MPZL3: variants seen among roughly 807,000 people sequenced by gnomAD.
MPZL3 encodes the protein myelin protein zero like 3, also known as myelin protein zero-like protein 3.
In MPZL3, 23 loss-of-function variants were observed where a neutral mutation model predicts 24.8. The observed-to-expected ratio is 0.93, with a 90% confidence interval of 0.67 to 1.31. MPZL3 has a LOEUF of 1.31. Among genes scored for constraint, MPZL3 ranks in the 40% most tolerant of loss-of-function variants. The pLI is 0.00. For missense variants in MPZL3, 277 were observed against 294.9 expected, an observed-to-expected ratio of 0.94 and a Z score of 0.44; for synonymous variants, 99 against 106.5, an observed-to-expected ratio of 0.93 and a Z score of 0.44.
chr11:118,230,019 G>A lies in MPZL3; in HGVS notation c.682-99C>T, dbSNP rs1949330592. 11 of 1,088,410 alleles carry A rather than the reference G, an allele frequency of 1.0e-5. No individual in the cohort carries two copies. In the South Asian group the frequency reaches 1.6e-4, roughly 16 times the overall value. The allele number at this position is 1,088,410 out of a possible 1,614,324, so 67.4% of individuals were successfully genotyped here. A position where few individuals can be genotyped will look rare whatever the true frequency, so the allele number is the denominator to read the frequency against. On this transcript the variant is annotated intron_variant, in intron 5 of 5. Coordinates refer to ENST00000278949, the MANE Select transcript of MPZL3 (RefSeq NM_198275.3). ...TCCTCCAAATGGAACCTGGCTTGGG[G>A]AGACAGCCACAGTGAAATGCCACTG...
In MPZL3 at chr11:118,240,312, TTTC is replaced by T. The variant is rs1949478079; in HGVS notation, c.136_138del (p.Glu46del). On this transcript the variant is annotated inframe_deletion, in exon 2 of 6. Transcript: ENST00000278949. ...TTGAAAGTGCATTTCAACTTGATCT[TTTC>T]TCCAACATAACCTCGGACATGGGCA... The T allele has an allele frequency of 6.2e-7, 1 of 1,609,538 alleles. No individual in the cohort carries two copies. Among genetic ancestry groups the T allele is most frequent in the Non-Finnish European group, 8.5e-7 (1 of 1,178,550 alleles).
chr11:118,252,117 G>A (rs1949626257), intron 1 of MPZL3, 105 bp downstream of exon 1: 2 of 1,110,764 alleles, frequency 1.8e-6, no homozygotes, highest in East Asian at 2.4e-5. Context: ...CCTTCCCAGA[G>A]CTATGCGGGG....
chr11:118,248,378 CTAAAT>C (rs1487380871), intron 1 of MPZL3, among the ~76,000 whole-genome samples: 1 of 152,110 alleles, frequency 6.6e-6, no homozygotes, highest in Non-Finnish European at 1.5e-5. Flanking sequence ...ATTCTGGTTA[CTAAAT>C]TATAGTAAAT....
At chr11:118,238,881 G>A (rs1294254083) in intron 2 of MPZL3, among the ~76,000 whole-genome samples, 1 of 152,204 alleles carries the variant, frequency 6.6e-6, no homozygotes, top group African/African-American at 2.4e-5. Context: ...ATCAGCATCA[G>A]TGTAAAAGAG....
chr11:118,230,900 T>C (rs1157107456), intron 5 of MPZL3, among the ~76,000 whole-genome samples: 1 of 152,176 alleles, frequency 6.6e-6, no homozygotes, highest in Non-Finnish European at 1.5e-5. Flanking sequence ...TCCTCTCCTC[T>C]CTGTCTTGCA....
At chr11:118,238,016 A>C (rs983691278) in intron 2 of MPZL3, among the ~76,000 whole-genome samples, 5 of 152,148 alleles carry the variant, frequency 3.3e-5, no homozygotes, top group Non-Finnish European at 2.9e-5. Flanking sequence ...ATACACCTAT[A>C]ATCCCAGCTA....
intron 1 of MPZL3, 32 bp downstream of exon 1, chr11:118,252,190 G>A: frequency 6.2e-7 from 1 of 1,611,310 alleles, no homozygotes; most frequent in Non-Finnish European, 8.5e-7. Flanking sequence ...CCCCCCGGCC[G>A]GAAGTGGAGC....
chr11:118,250,602 C>T (rs1165182321), intron 1 of MPZL3, among the ~76,000 whole-genome samples: 4 of 152,000 alleles, frequency 2.6e-5, no homozygotes, highest in East Asian at 1.9e-4. Flanking sequence ...TTTTTTGAGA[C>T]GGAGTTTCTC....
At chr11:118,236,920 C>A in intron 3 of MPZL3, 130 bp downstream of exon 3, 1 of 704,408 alleles carries the variant, frequency 1.4e-6, no homozygotes, top group Non-Finnish European at 2.3e-6. Context: ...AGAAAAATTA[C>A]TTCGATTCAA....
At chr11:118,233,659 C>A (rs1367659370) in intron 4 of MPZL3, 136 bp from the exon 5 acceptor site, 9 of 858,964 alleles carry the variant, frequency 1.0e-5, no homozygotes, top group African/African-American at 8.3e-5. Context: ...GGTGACTGGG[C>A]AAATTGTTTA....
chr11:118,231,348 T>C (rs866726790), intron 5 of MPZL3, among the ~76,000 whole-genome samples: 2 of 152,336 alleles, frequency 1.3e-5, no homozygotes, highest in Middle Eastern at 3.4e-3. Context: ...CTAGCCGCTC[T>C]TTCTTAGCCT....
chr11:118,236,301 G>A (rs1270618930), intron 3 of MPZL3, among the ~76,000 whole-genome samples: 1 of 151,658 alleles, frequency 6.6e-6, no homozygotes, highest in East Asian at 1.9e-4. Flanking sequence ...GCAAGAAAGA[G>A]AAAGAGAAGG....
chr11:118,237,121 C>T lies in MPZL3; in HGVS notation c.380G>A (p.Ser127Asn), dbSNP rs369772698. The stretch of plus-strand genomic sequence containing the variant: ...ATCTGGGGGATTCTTCACAGCACAG[C>T]TGAATGTCCCATTGTCCTTTATGGT... ...NPTIKDNGTFSCAVKNPPDVH... is the reference protein window; with the variant it reads ...NPTIKDNGTFNCAVKNPPDVH... The change falls in exon 3 of 6, where the codon AGC becomes AAC. Residue 127 changes from serine (S) to asparagine (N), a missense_variant. Coordinates refer to ENST00000278949, the MANE Select transcript of MPZL3 (RefSeq NM_198275.3). 6.2e-7 allele frequency: 1 copy of T among 1,614,104 alleles called. No homozygotes were observed. The highest frequency in any genetic ancestry group is 8.5e-7 in the Non-Finnish European group (1 of 1,179,986).
At chr11:118,249,891 A>G (rs1437475768) in intron 1 of MPZL3, among the ~76,000 whole-genome samples, 2 of 152,236 alleles carry the variant, frequency 1.3e-5, no homozygotes, top group Non-Finnish European at 2.9e-5. Context: ...ACTCAACCAC[A>G]TAAGATTTAA....
Position 118,235,509 on chromosome 11 carries a change from G to A in MPZL3, c.532C>T (p.Leu178=), listed in dbSNP as rs1728255866. Residue 178 remains leucine (L), a synonymous_variant, in exon 4 of 6, where the codon CTG becomes TTG. Coordinates refer to ENST00000278949, the MANE Select transcript of MPZL3 (RefSeq NM_198275.3). ...VPSAVVVALL[L]VRMGRKAAGL... ...GCAGCCTTCCTCCCCATTCTCACCAGCAGCAGAGCAACCACCACGGCTGAG... is the reference window on the plus strand; with the variant it reads ...GCAGCCTTCCTCCCCATTCTCACCAACAGCAGAGCAACCACCACGGCTGAG... 2 of 1,613,868 alleles carry A rather than the reference G, an allele frequency of 1.2e-6. No individual in the cohort carries two copies. The highest frequency in any genetic ancestry group is 2.7e-5 in the African/African-American group (2 of 74,878).
chr11:118,240,781 A>ACT lies in MPZL3; in HGVS notation c.74-405_74-404insAG, dbSNP rs1376511304. Among the ~76,000 whole-genome samples the ACT allele has an allele frequency of 8.6e-3, 1,101 of 127,956 alleles. 18 individuals are homozygous for ACT. Among genetic ancestry groups the ACT allele is most frequent in the Middle Eastern group, 0.028 (7 of 250 alleles). The allele number at this position is 127,956 out of a possible 152,430, so 83.9% of individuals were successfully genotyped here. A position where few individuals can be genotyped will look rare whatever the true frequency, so the allele number is the denominator to read the frequency against. ...CACACACACACACACACACACACAC[A>ACT]CACTCTGGGAATATGGCAGCTTTTG... On this transcript the variant is annotated intron_variant, in intron 1 of 5. Coordinates refer to ENST00000278949, the MANE Select transcript of MPZL3 (RefSeq NM_198275.3).
In MPZL3 at chr11:118,240,202, C is replaced by G; in HGVS notation, c.240+9G>C. On this transcript the variant is annotated intron_variant, in intron 2 of 5. Transcript: ENST00000278949. ...ACCAAAGGAACATTCCGAAAAAGTA[C>G]ACACTTACTGATACTGTGTGGCTGC... 1 of 1,523,260 alleles carries G rather than the reference C, an allele frequency of 6.6e-7. No homozygotes were observed. Among genetic ancestry groups the G allele is most frequent in the Non-Finnish European group, 8.7e-7 (1 of 1,143,180 alleles). 94.4% of individuals were successfully genotyped at this position (1,523,260 alleles called of 1,614,324 possible). A position where few individuals can be genotyped will look rare whatever the true frequency, so the allele number is the denominator to read the frequency against.
Position 118,227,885 on chromosome 11 carries a change from C to T in MPZL3, c.*2009G>A, listed in dbSNP as rs771130401. ...TGAGGACCTGCAAAATAGTCCCCCTCACAATGAGATCTCTATCTTCAAATC... is the reference window on the plus strand; with the variant it reads ...TGAGGACCTGCAAAATAGTCCCCCTTACAATGAGATCTCTATCTTCAAATC... On this transcript the variant is annotated 3_prime_UTR_variant, in exon 6 of 6. Coordinates refer to ENST00000278949, the MANE Select transcript of MPZL3 (RefSeq NM_198275.3). The T allele has an allele frequency of 3.9e-5, 6 of 152,198 alleles. No homozygotes were observed. The highest frequency in any genetic ancestry group is 9.7e-5 in the African/African-American group (4 of 41,438). 9.4% of individuals were successfully genotyped at this position (152,198 alleles called of 1,614,324 possible). A position where few individuals can be genotyped will look rare whatever the true frequency, so the allele number is the denominator to read the frequency against.
rs1949283049 is a variant in MPZL3, at chr11:118,227,324, T to C, written c.*2570A>G. The C allele has an allele frequency of 2.0e-5, 3 of 152,186 alleles. No individual in the cohort carries two copies. Among genetic ancestry groups the C allele is most frequent in the Admixed American group, 2.0e-4 (3 of 15,276 alleles). The allele number at this position is 152,186 out of a possible 1,614,324, so 9.4% of individuals were successfully genotyped here. A position where few individuals can be genotyped will look rare whatever the true frequency, so the allele number is the denominator to read the frequency against. ...TTTCCATGGCTGTGACAAGAGCTCATGAGGTAGCAAAAAGAGAGAGAGAAT... is the reference window on the plus strand; with the variant it reads ...TTTCCATGGCTGTGACAAGAGCTCACGAGGTAGCAAAAAGAGAGAGAGAAT... On this transcript the variant is annotated 3_prime_UTR_variant, in exon 6 of 6. Transcript: ENST00000278949.
Sources: allele counts gnomAD v4.1 joint callset (sites outside exome capture counted in the v4.1 genomes callset), GRCh38; gene constraint gnomAD v4.1.1; transcripts MANE v1.5; gene names NCBI Gene and HGNC (gene_info 2026-07-23, HGNC 2026-07-21).